Variants in SERPINB10 observed in about 807,000 individuals in gnomAD.
SERPINB10 encodes the protein serpin B10.
In SERPINB10, 35 loss-of-function variants were observed where a neutral mutation model predicts 39.1. The observed-to-expected ratio is 0.90, with a 90% CI of 0.68 to 1.19. SERPINB10 has a LOEUF of 1.19. Among genes scored for constraint, SERPINB10 ranks in the 50% most tolerant of loss-of-function variants. SERPINB10 has a pLI of 0.00. For synonymous variants in SERPINB10, 190 were observed against 158.1 expected, an observed-to-expected ratio of 1.20 and a Z score of -1.52; for missense variants, 546 against 460.5, an observed-to-expected ratio of 1.19 and a Z score of -1.70.
rs1216549786 is a variant in SERPINB10, at chr18:63,908,023, C to T, written c.-27C>T. 2.9e-6 allele frequency: 1 copy of T among 342,474 alleles called. No homozygotes were observed. The highest frequency in any genetic ancestry group is 4.2e-4 in the Middle Eastern group (1 of 2,402). The allele number at this position is 342,474 out of a possible 1,614,324, so 21.2% of individuals were successfully genotyped here. A position where few individuals can be genotyped will look rare whatever the true frequency, so the allele number is the denominator to read the frequency against. On this transcript the variant is annotated 5_prime_UTR_variant, in exon 1 of 8. Transcript: ENST00000238508. ...ACAGGAGCAAATTGCCAATTCTGCT[C>T]CAGTGGGAGAAAACAAGGTATTGTA...
intron 1 of SERPINB10, among the ~76,000 whole-genome samples, chr18:63,911,736 C>T (rs1279032199): frequency 6.6e-6 from 1 of 151,954 alleles, no homozygotes; most frequent in Non-Finnish European, 1.5e-5. Context: ...GTTCTTTTTG[C>T]TTAGGGTTGC....
intron 7 of SERPINB10, among the ~76,000 whole-genome samples, 176 bp downstream of exon 7, chr18:63,933,379 A>T (rs1196911416): frequency 1.3e-5 from 2 of 152,182 alleles, no homozygotes; most frequent in Non-Finnish European, 2.9e-5. Context: ...CCTTCACAAT[A>T]TTATTTAAAC....
Position 63,911,070 on chromosome 18 carries a change from G to T in SERPINB10, c.-10+3030G>T, listed in dbSNP as rs1019090757. On this transcript the variant is annotated intron_variant, in intron 1 of 7. Coordinates refer to ENST00000238508, the MANE Select transcript of SERPINB10 (RefSeq NM_005024.3). ...TGATGTTGAGCATTTTTTCATGTTT[G>T]TTGCCCACTTGTATGTCTTCTTTTG... Among the ~76,000 whole-genome samples the T allele has an allele frequency of 3.0e-4, 46 of 151,990 alleles. 1 individual carries two copies. The highest frequency in any genetic ancestry group is 1.0e-3 in the African/African-American group (43 of 41,488).
chr18:63,917,939 T>C, intron 3 of SERPINB10, 26 bp from the exon 4 acceptor site: 1 of 1,603,286 alleles, frequency 6.2e-7, no homozygotes. Context: ...CAACATTTTA[T>C]TTGACTAGTT....
intron 5 of SERPINB10, among the ~76,000 whole-genome samples, chr18:63,929,006 A>G (rs62097499): frequency 8.0e-6 from 1 of 124,538 alleles, no homozygotes; most frequent in Non-Finnish European, 1.8e-5. Flanking sequence ...ACCCAGCTAA[A>G]CCTGCTTTTG....
chr18:63,918,253 T>A (rs1269718281), intron 4 of SERPINB10, 151 bp downstream of exon 4: 1 of 698,102 alleles, frequency 1.4e-6, no homozygotes, highest in African/African-American at 1.8e-5. Flanking sequence ...AACCAATGAG[T>A]GTCTAGTGGT....
Position 63,917,961 on chromosome 18 carries a change from A to G in SERPINB10, c.235-4A>G. 2 of 1,610,104 alleles carry G rather than the reference A, an allele frequency of 1.2e-6. No homozygotes were observed. Among genetic ancestry groups the G allele is most frequent in the Non-Finnish European group, 1.7e-6 (2 of 1,177,220 alleles). On this transcript the variant is annotated splice_polypyrimidine_tract_variant and splice_region_variant and intron_variant, in intron 3 of 7. Transcript: ENST00000238508. ...TTATTTGACTAGTTCCTTCTCTTTT[A>G]AAGGAATTCAACTTGAGCAACTCGG...
At chr18:63,921,052 C>T (rs1373240113) in intron 5 of SERPINB10, among the ~76,000 whole-genome samples, 1 of 151,910 alleles carries the variant, frequency 6.6e-6, no homozygotes, top group African/African-American at 2.4e-5. Context: ...AAAGTCTGAA[C>T]TGATTTCTAC....
intron 7 of SERPINB10, among the ~76,000 whole-genome samples, chr18:63,933,884 A>C (rs2050242036): frequency 6.6e-6 from 1 of 152,164 alleles, no homozygotes; most frequent in African/African-American, 2.4e-5. Flanking sequence ...AATTTTTCAC[A>C]TGTGTCAGAC....
intron 5 of SERPINB10, among the ~76,000 whole-genome samples, chr18:63,922,659 C>T (rs956161717): frequency 6.6e-6 from 1 of 151,892 alleles, no homozygotes; most frequent in African/African-American, 2.4e-5. Context: ...GGGGTTGGTC[C>T]TTGCCTTGCT....
In SERPINB10 at chr18:63,919,910, G is replaced by C. The variant is rs763709472; in HGVS notation, c.490+5G>C. On this transcript the variant is annotated splice_donor_5th_base_variant and intron_variant, in intron 5 of 7. Transcript: ENST00000238508. ...GGGTTGAAAGACAGACCGAGGGTAA[G>C]CTTTCACCAAGGGGTTTGGCAGCGT... 3.2e-6 allele frequency: 5 copies of C among 1,575,424 alleles called. No individual in the cohort carries two copies. In the Admixed American group the frequency reaches 8.9e-5, roughly 28 times the overall value.
intron 1 of SERPINB10, among the ~76,000 whole-genome samples, chr18:63,910,954 C>G (rs2050060182): frequency 1.3e-5 from 2 of 151,962 alleles, no homozygotes; most frequent in South Asian, 4.1e-4. Flanking sequence ...TCATCAGCAT[C>G]TCTTGTTTTT....
At chr18:63,918,941 T>G (rs766584824) in intron 4 of SERPINB10, among the ~76,000 whole-genome samples, 6 of 151,136 alleles carry the variant, frequency 4.0e-5, no homozygotes, top group Non-Finnish European at 8.8e-5. Context: ...AGCCCTGAAT[T>G]AAGACAGGCA....
chr18:63,934,719 C>G, intron 7 of SERPINB10, 119 bp from the exon 8 acceptor site: 1 of 1,011,444 alleles, frequency 9.9e-7, no homozygotes, highest in Middle Eastern at 2.3e-4. Context: ...GTGTTGTCAC[C>G]CTGAGTAACG....
rs190513387 is a variant in SERPINB10, at chr18:63,910,802, T to C, written c.-10+2762T>C. 7.7e-4 allele frequency among the ~76,000 whole-genome samples: 117 copies of C among 151,192 alleles called. 1 individual carries two copies. The highest frequency in any genetic ancestry group is 6.2e-3 in the Admixed American group (94 of 15,232). On this transcript the variant is annotated intron_variant, in intron 1 of 7. Coordinates refer to ENST00000238508, the MANE Select transcript of SERPINB10 (RefSeq NM_005024.3). ...TGTGTCTCTTTGGTAGAATGATTTA[T>C]TTTCTTTTGAATGTATACCCAGTAA...
At chr18:63,913,233 G>T (rs553782884) in intron 1 of SERPINB10, among the ~76,000 whole-genome samples, 1 of 151,702 alleles carries the variant, frequency 6.6e-6, no homozygotes, top group Non-Finnish European at 1.5e-5. Context: ...CCAACTTTTG[G>T]TTTTGTTGAT....
At chr18:63,908,555 C>A (rs1010234681) in intron 1 of SERPINB10, among the ~76,000 whole-genome samples, 1 of 152,026 alleles carries the variant, frequency 6.6e-6, no homozygotes, top group Non-Finnish European at 1.5e-5. Context: ...CCCCACTCTC[C>A]TCTCCTGGCC....
intron 5 of SERPINB10, among the ~76,000 whole-genome samples, chr18:63,920,494 G>A (rs1002071640): frequency 8.6e-5 from 13 of 152,036 alleles, no homozygotes; most frequent in South Asian, 4.1e-4. Flanking sequence ...GTTCAGCACT[G>A]CCATCCTCAA....
chr18:63,934,495 C>T (rs1366392385), intron 7 of SERPINB10, among the ~76,000 whole-genome samples: 1 of 152,108 alleles, frequency 6.6e-6, no homozygotes, highest in Non-Finnish European at 1.5e-5. Flanking sequence ...TGGCTTACAA[C>T]TTGAACTAGA....
Sources: gnomAD v4.1 joint callset for allele counts (sites outside exome capture counted in the v4.1 genomes callset) on GRCh38, gnomAD v4.1.1 for gene constraint, MANE v1.5 for transcripts, NCBI Gene and HGNC (gene_info 2026-07-23, HGNC 2026-07-21) for gene names.